The following GLB1 variants were observed in gnomAD, a reference collection of about 807,000 sequenced individuals.
The protein encoded by GLB1 is beta-galactosidase.
A neutral mutation model predicts 74.0 loss-of-function variants in GLB1; 56 were observed. The ratio of observed to expected loss-of-function variants is 0.76; its 90% CI spans 0.61 to 0.94. GLB1 has a LOEUF of 0.94. Ranked by LOEUF, GLB1 falls within the 40% of genes least tolerant of loss-of-function variation. GLB1 has a pLI of 0.00. For missense variants in GLB1, 787 were observed against 845.5 expected, an observed-to-expected ratio of 0.93 and a Z score of 0.86; for synonymous variants, 323 against 323.6, an observed-to-expected ratio of 1.00 and a Z score of 0.02.
the GLB1 span, among the ~76,000 whole-genome samples, chr3:32,967,613 G>A: frequency 6.6e-6 from 1 of 151,040 alleles, no homozygotes; most frequent in Admixed American, 6.6e-5. Context: ...GACTGGGCTG[G>A]TGCACCTAAA....
At chr3:33,037,847 A>G (rs1232000336) in intron 10 of GLB1, 1 of 152,122 alleles carries the variant, frequency 6.6e-6, no homozygotes, top group Non-Finnish European at 1.5e-5. Context: ...AGTAATAAAA[A>G]TAACTGCTAT....
intron 1 of GLB1, chr3:33,091,323 C>T: frequency 1.0e-6 from 1 of 985,568 alleles, no homozygotes; most frequent in Non-Finnish European, 1.2e-6. Flanking sequence ...CACTATACAC[C>T]AGGAGGACAA....
At position 33,051,757 on chromosome 3, in the gene GLB1, C is replaced by G; in HGVS notation, c.955+1G>C. 6.2e-7 allele frequency: 1 copy of G among 1,614,160 alleles called. No homozygotes were observed. On this transcript the variant is annotated splice_donor_variant, in intron 9 of 15. Transcript: ENST00000307363. LOFTEE classifies it high-confidence loss of function. Reference sequence around the variant, plus strand: ...TTCTACAGATATTAAAGTGCTCTTACCATTCCAATAGGCAAAATTGGTCCC... The same window carrying G: ...TTCTACAGATATTAAAGTGCTCTTAGCATTCCAATAGGCAAAATTGGTCCC...
chr3:33,005,032 G>A (rs1202660520), intron 15 of GLB1, among the ~76,000 whole-genome samples: 2 of 152,218 alleles, frequency 1.3e-5, no homozygotes, highest in African/African-American at 2.4e-5. Flanking sequence ...GGAGCAAAGA[G>A]AGGGAAGAAA....
chr3:32,980,416 T>A, the GLB1 span, among the ~76,000 whole-genome samples: 1 of 152,266 alleles, frequency 6.6e-6, no homozygotes, highest in Non-Finnish European at 1.5e-5. Context: ...TAAACACATT[T>A]AAGGCTATAA....
At chr3:33,064,011 C>T (rs914493975) in intron 5 of GLB1, among the ~76,000 whole-genome samples, 10 of 152,254 alleles carry the variant, frequency 6.6e-5, no homozygotes, top group Admixed American at 3.9e-4. Flanking sequence ...TATGATCCAT[C>T]CCCACAAGCT....
intron 1 of GLB1, among the ~76,000 whole-genome samples, chr3:33,080,155 G>A (rs937214859): frequency 7.2e-5 from 11 of 151,962 alleles, no homozygotes; most frequent in African/African-American, 2.7e-4. Context: ...CCAGGCTGGA[G>A]TGCAATGGCA....
At chr3:33,000,691 C>T (rs1251965766) in intron 15 of GLB1, among the ~76,000 whole-genome samples, 7 of 152,146 alleles carry the variant, frequency 4.6e-5, no homozygotes, top group African/African-American at 1.7e-4. Flanking sequence ...TGCACCACTG[C>T]ACTCCAGCCT....
chr3:33,035,111 GT>G (rs769612058), intron 10 of GLB1, among the ~76,000 whole-genome samples: 41 of 151,762 alleles, frequency 2.7e-4, no homozygotes, highest in Admixed American at 5.9e-4. Context: ...GTTTCAAGCA[GT>G]TAATAAAACC....
chr3:32,986,118 T>C, the GLB1 span, among the ~76,000 whole-genome samples: 3 of 152,268 alleles, frequency 2.0e-5, no homozygotes, highest in East Asian at 3.8e-4. Flanking sequence ...TGTTCCCTTT[T>C]GCCTGCTTTG....
chr3:33,087,595 A>AGTG (rs1700568643), intron 1 of GLB1, among the ~76,000 whole-genome samples: 1 of 143,218 alleles, frequency 7.0e-6, no homozygotes, highest in African/African-American at 2.8e-5. Flanking sequence ...ACACACACAC[A>AGTG]CACACACACA....
At chr3:33,004,493 T>C (rs1197152475) in intron 15 of GLB1, among the ~76,000 whole-genome samples, 1 of 152,172 alleles carries the variant, frequency 6.6e-6, no homozygotes, top group Non-Finnish European at 1.5e-5. Flanking sequence ...GTGAGTGACG[T>C]TTAAAAACTC....
Position 33,093,495 on chromosome 3 carries a change from T to A in GLB1, c.75+3516A>T. On this transcript the variant is annotated intron_variant, in intron 1 of 15. Coordinates refer to ENST00000307363, the MANE Select transcript of GLB1 (RefSeq NM_000404.4). The surrounding 1 kb of genome is among the most constrained non-coding windows in gnomAD (Gnocchi z 6.0). ...CACCGTGATGTCTGGTTCCAGCACA[T>A]TCACCATCCTCACAAACATTTCCAT... The A allele has an allele frequency of 1.2e-6, 2 of 1,614,176 alleles. No individual in the cohort carries two copies. The highest frequency in any genetic ancestry group is 8.5e-7 in the Non-Finnish European group (1 of 1,180,038).
chr3:33,094,374 C>T, intron 1 of GLB1: 1 of 1,370,662 alleles, frequency 7.3e-7, no homozygotes, highest in Non-Finnish European at 9.5e-7. Flanking sequence ...AACTCAAAGG[C>T]CACTTACATC....
At chr3:33,036,843 AG>A (rs1484159412) in intron 10 of GLB1, among the ~76,000 whole-genome samples, 20 of 152,192 alleles carry the variant, frequency 1.3e-4, no homozygotes, top group Admixed American at 5.9e-4. Context: ...AAAGTAGACT[AG>A]GAGCTACTAG....
chr3:33,090,276 TAA>T (rs1327697020), intron 1 of GLB1: 2 of 511,722 alleles, frequency 3.9e-6, no homozygotes, highest in South Asian at 8.4e-5. Context: ...AGCCAAAAAA[TAA>T]AGAGTACAGG....
chr3:32,986,533 CTA>C, the GLB1 span, among the ~76,000 whole-genome samples: 1 of 152,100 alleles, frequency 6.6e-6, no homozygotes, highest in African/African-American at 2.4e-5. Context: ...TCCCCGTCAC[CTA>C]TGTCGCCGTG....
chr3:33,065,836 G>A lies in GLB1; in HGVS notation c.458-279C>T, dbSNP rs576222549. ...TGCAAAATTAGCCAGGCTTGGTGGC[G>A]CATGCCTGTAATCCCAGCTACTTGG... On this transcript the variant is annotated intron_variant, in intron 4 of 15. Coordinates refer to ENST00000307363, the MANE Select transcript of GLB1 (RefSeq NM_000404.4). Among the ~76,000 whole-genome samples, 16 of 152,000 alleles carry A rather than the reference G, an allele frequency of 1.1e-4. 1 individual carries two copies. In the South Asian group the frequency reaches 2.1e-3, roughly 20 times the overall value.
intron 15 of GLB1, among the ~76,000 whole-genome samples, chr3:32,998,298 A>G (rs1696398339): frequency 6.6e-6 from 1 of 152,240 alleles, no homozygotes; most frequent in Admixed American, 6.5e-5. Flanking sequence ...ACCTGAGGTC[A>G]GGAGTTCGAG....
Sources: allele counts gnomAD v4.1 joint callset (sites outside exome capture counted in the v4.1 genomes callset), GRCh38; gene constraint gnomAD v4.1.1; non-coding constraint Gnocchi (gnomAD v3.1); transcripts MANE v1.5; gene names NCBI Gene and HGNC (gene_info 2026-07-23, HGNC 2026-07-21).